Variants in PDE7B observed in about 807,000 individuals in gnomAD.
The protein encoded by PDE7B is phosphodiesterase 7B.
A neutral mutation model predicts 56.2 loss-of-function variants in PDE7B; 29 were observed. The ratio of observed to expected loss-of-function variants is 0.52; its 90% CI spans 0.38 to 0.70. PDE7B has a LOEUF of 0.70. PDE7B is among the 30% of genes least tolerant of loss of function. The probability of loss-of-function intolerance (pLI) is 0.00; values close to 1 mark genes in which losing one functional copy is unlikely to be tolerated. For missense variants in PDE7B, 490 were observed against 565.0 expected (o/e 0.87, Z 1.35); for synonymous variants, 197 against 196.9 (o/e 1.00, Z 0.00).
chr6:136,049,745 A>G (rs1776591750), intron 2 of PDE7B, among the ~76,000 whole-genome samples: 1 of 152,228 alleles, frequency 6.6e-6, no homozygotes, highest in Non-Finnish European at 1.5e-5. Context: ...AGATTAGTCA[A>G]ATTGGCTTGG....
intron 2 of PDE7B, among the ~76,000 whole-genome samples, chr6:136,001,997 A>T (rs993709639): frequency 3.3e-5 from 5 of 152,200 alleles, no homozygotes; most frequent in Non-Finnish European, 7.3e-5. Context: ...CTAACAGCGG[A>T]TCTCTCGGCA....
intron 1 of PDE7B, among the ~76,000 whole-genome samples, chr6:135,863,995 C>G (rs1404007195): frequency 6.6e-6 from 1 of 151,870 alleles, no homozygotes; most frequent in Non-Finnish European, 1.5e-5. Context: ...ATTTATTCTT[C>G]TTGTTCTATA....
At chr6:135,941,236 A>T (rs997750193) in intron 1 of PDE7B, among the ~76,000 whole-genome samples, 5 of 126,792 alleles carry the variant, frequency 3.9e-5, no homozygotes, top group African/African-American at 1.5e-4. Flanking sequence ...TTTTCAGCTC[A>T]AGAAACTTAG....
At chr6:136,167,033 A>G (rs914466989) in intron 8 of PDE7B, among the ~76,000 whole-genome samples, 1 of 151,894 alleles carries the variant, frequency 6.6e-6, no homozygotes, top group African/African-American at 2.4e-5. Flanking sequence ...TCCTCCCTTG[A>G]GGCCTTTGCT....
At chr6:135,910,198 G>T (rs940984794) in intron 1 of PDE7B, among the ~76,000 whole-genome samples, 2 of 152,140 alleles carry the variant, frequency 1.3e-5, no homozygotes, top group Non-Finnish European at 2.9e-5. Flanking sequence ...GAAACTCAAA[G>T]AGTATGAACC....
In PDE7B at chr6:135,947,489, AC is replaced by A; in HGVS notation, c.51del (p.Asp18IlefsTer15). 1 of 1,612,594 alleles carries A rather than the reference AC, an allele frequency of 6.2e-7. No individual in the cohort carries two copies. Among genetic ancestry groups the A allele is most frequent in the Non-Finnish European group, 8.5e-7 (1 of 1,178,806 alleles). On this transcript the variant is annotated frameshift_variant, in exon 2 of 13. Transcript: ENST00000308191. LOFTEE classifies it high-confidence loss of function. ...AGGTGTGGCGAAATCTTGTTTGAGAACCCCGATCAGAATGCCAAATGTGTTT... is the reference window on the plus strand; with the variant it reads ...AGGTGTGGCGAAATCTTGTTTGAGAACCCGATCAGAATGCCAAATGTGTTT... ...VERCGEILFE[N>X]PDQNAKCVCM...
chr6:136,089,654 A>G (rs1335276538), intron 2 of PDE7B, among the ~76,000 whole-genome samples: 1 of 152,196 alleles, frequency 6.6e-6, no homozygotes, highest in Non-Finnish European at 1.5e-5. Context: ...AATGAATGGA[A>G]ATGAGTTTGC....
At chr6:135,954,367 G>A (rs372407194) in intron 2 of PDE7B, among the ~76,000 whole-genome samples, 5 of 152,134 alleles carry the variant, frequency 3.3e-5, no homozygotes, top group East Asian at 1.9e-4. Flanking sequence ...TCTCGAGTGT[G>A]TCAAAGATCG....
chr6:135,959,402 TTTCTC>T (rs963735064), intron 2 of PDE7B, among the ~76,000 whole-genome samples: 3 of 152,180 alleles, frequency 2.0e-5, no homozygotes, highest in African/African-American at 7.2e-5. Context: ...ATTTTAATAT[TTTCTC>T]TTCTTTTAGA....
chr6:136,097,724 T>C (rs1027361297), intron 2 of PDE7B, among the ~76,000 whole-genome samples: 3 of 152,150 alleles, frequency 2.0e-5, no homozygotes, highest in Non-Finnish European at 2.9e-5. Context: ...AAGTCATCTT[T>C]TAGAGCCTAT....
At chr6:136,007,749 TG>T (rs1259629944) in intron 2 of PDE7B, among the ~76,000 whole-genome samples, 1 of 152,064 alleles carries the variant, frequency 6.6e-6, no homozygotes, top group Non-Finnish European at 1.5e-5. Flanking sequence ...TTTTCTAGTT[TG>T]TGTGCATAGA....
At chr6:136,132,280 G>T (rs73565084) in intron 3 of PDE7B, among the ~76,000 whole-genome samples, 2 of 151,484 alleles carry the variant, frequency 1.3e-5, no homozygotes, top group African/African-American at 2.4e-5. Context: ...TTTTTTTAAA[G>T]TACCAAAACT....
intron 7 of PDE7B, among the ~76,000 whole-genome samples, chr6:136,154,839 A>C (rs1479304756): frequency 1.3e-5 from 2 of 152,208 alleles, no homozygotes; most frequent in Non-Finnish European, 2.9e-5. Flanking sequence ...ATATTCTAAG[A>C]CTGTTGAGTT....
At chr6:136,132,855 C>G (rs1419602421) in intron 3 of PDE7B, among the ~76,000 whole-genome samples, 3 of 152,102 alleles carry the variant, frequency 2.0e-5, no homozygotes, top group Non-Finnish European at 4.4e-5. Context: ...CTTAATGAAA[C>G]CTGCTTCCTT....
intron 1 of PDE7B, among the ~76,000 whole-genome samples, chr6:135,857,989 T>C (rs1775068639): frequency 6.6e-6 from 1 of 152,170 alleles, no homozygotes; most frequent in Admixed American, 6.5e-5. Context: ...TACTTTAGAA[T>C]TGTTCAACTT....
chr6:135,871,515 G>T (rs899954737), intron 1 of PDE7B, among the ~76,000 whole-genome samples: 1 of 152,232 alleles, frequency 6.6e-6, no homozygotes, highest in African/African-American at 2.4e-5. Context: ...TGCCTATTGG[G>T]TGGGGTGGGA....
chr6:135,998,033 C>T (rs1360245879), intron 2 of PDE7B, among the ~76,000 whole-genome samples: 1 of 152,186 alleles, frequency 6.6e-6, no homozygotes, highest in African/African-American at 2.4e-5. Flanking sequence ...AGGCAAGTCT[C>T]TACTGCAGTG....
chr6:136,011,195 C>G (rs868431507), intron 2 of PDE7B, among the ~76,000 whole-genome samples: 2 of 152,162 alleles, frequency 1.3e-5, no homozygotes, highest in African/African-American at 4.8e-5. Flanking sequence ...CCTCAAAAGA[C>G]TTTATTTTCC....
At chr6:135,993,479 C>A (rs539251750) in intron 2 of PDE7B, among the ~76,000 whole-genome samples, 4 of 152,258 alleles carry the variant, frequency 2.6e-5, no homozygotes, top group Middle Eastern at 3.4e-3. Context: ...TAACGTTCAG[C>A]CAGGGTTGAG....
Sources: allele counts gnomAD v4.1 joint callset (sites outside exome capture counted in the v4.1 genomes callset), GRCh38; gene constraint gnomAD v4.1.1; transcripts MANE v1.5; gene names NCBI Gene and HGNC (gene_info 2026-07-23, HGNC 2026-07-21).